The following ROBO2 variants were observed in gnomAD, a reference collection of about 807,000 sequenced individuals.
The protein encoded by ROBO2 is roundabout homolog 2.
ROBO2 carries 53 observed loss-of-function variants against 160.8 expected under a neutral mutation model. The observed-to-expected ratio is 0.33, with a 90% CI of 0.26 to 0.41. The LOEUF (loss-of-function observed/expected upper bound fraction) is 0.41, where lower values mean the gene tolerates loss of function less well. ROBO2 is among the 10% of genes least tolerant of loss of function. ROBO2 has a pLI of 1.00. For synonymous variants in ROBO2, 664 were observed against 611.7 expected (o/e 1.09, Z -1.26); for missense variants, 1,577 against 1,722.4 (o/e 0.92, Z 1.49).
chr3:76,646,058 G>C (rs757593996), intron 2 of ROBO2, among the ~76,000 whole-genome samples: 1 of 152,164 alleles, frequency 6.6e-6, no homozygotes, highest in Admixed American at 6.5e-5. Context: ...TGTTCGAGAC[G>C]TGATTCCTCA....
At chr3:76,618,931 A>G (rs2088822128) in intron 2 of ROBO2, among the ~76,000 whole-genome samples, 1 of 151,900 alleles carries the variant, frequency 6.6e-6, no homozygotes, top group Admixed American at 6.6e-5. Flanking sequence ...TTCAGCACAG[A>G]GATTCCCTTA....
intron 2 of ROBO2, among the ~76,000 whole-genome samples, chr3:76,194,523 T>C (rs1702169324): frequency 6.6e-6 from 1 of 151,744 alleles, no homozygotes; most frequent in Non-Finnish European, 1.5e-5. Flanking sequence ...ACTGAGGACA[T>C]ATATTTTTAA....
At chr3:77,035,236 A>C, upstream of ROBO2, among the ~76,000 whole-genome samples, 1 of 151,868 alleles carries the variant, frequency 6.6e-6, no homozygotes, top group East Asian at 1.9e-4. Context: ...GACCTTCTTG[A>C]ACTGACACTA....
intron 2 of ROBO2, among the ~76,000 whole-genome samples, chr3:75,970,569 C>T (rs1205489433): frequency 6.6e-6 from 1 of 151,494 alleles, no homozygotes; most frequent in Non-Finnish European, 1.5e-5. Context: ...TTCCAAAGGA[C>T]ATTCCTCCTA....
intron 2 of ROBO2, among the ~76,000 whole-genome samples, chr3:76,992,367 AT>A (rs1344401445): frequency 1.9e-4 from 6 of 31,076 alleles, no homozygotes; most frequent in Non-Finnish European, 2.8e-4. Flanking sequence ...ATATATATAT[AT>A]AAATTTAGCT....
At chr3:76,091,929 G>A (rs374762131) in intron 2 of ROBO2, among the ~76,000 whole-genome samples, 1 of 152,160 alleles carries the variant, frequency 6.6e-6, no homozygotes, top group Admixed American at 6.6e-5. Flanking sequence ...TGGGAATAGG[G>A]AGAGATGATT....
intron 2 of ROBO2, among the ~76,000 whole-genome samples, chr3:76,854,963 T>A (rs1321622012): frequency 6.6e-6 from 1 of 152,178 alleles, no homozygotes; most frequent in African/African-American, 2.4e-5. Context: ...TGTAGTTTTA[T>A]TGCTTCTGTG....
At chr3:76,609,928 A>G (rs1453181364) in intron 2 of ROBO2, among the ~76,000 whole-genome samples, 1 of 152,128 alleles carries the variant, frequency 6.6e-6, no homozygotes, top group Non-Finnish European at 1.5e-5. Context: ...TGAATTTTAT[A>G]TAATCCTTTT....
intron 2 of ROBO2, among the ~76,000 whole-genome samples, chr3:76,549,020 C>T (rs1250755869): frequency 2.6e-5 from 4 of 152,020 alleles, no homozygotes; most frequent in Non-Finnish European, 1.5e-5. Flanking sequence ...GATAGAGTAT[C>T]ACACTAATAA....
chr3:76,822,638 A>G (rs1452859487), intron 2 of ROBO2, among the ~76,000 whole-genome samples: 1 of 151,772 alleles, frequency 6.6e-6, no homozygotes, highest in Non-Finnish European at 1.5e-5. Context: ...ATGAATGATC[A>G]TTTTCATTGA....
At position 77,293,192 on chromosome 3, in the gene ROBO2, A is replaced by G. The variant is rs554640363; in HGVS notation, c.389-184222A>G. On this transcript the variant is annotated intron_variant, in intron 2 of 25. Transcript: ENST00000461745. Reference sequence around the variant, plus strand: ...GGCTAGAACAGTAAAGACATAAAGTAAAATTGACGGTTAAACGGGTAAGCT... The same window carrying G: ...GGCTAGAACAGTAAAGACATAAAGTGAAATTGACGGTTAAACGGGTAAGCT... Among the ~76,000 whole-genome samples the G allele has an allele frequency of 8.6e-5, 13 of 150,684 alleles. No individual in the cohort carries two copies. In the South Asian group the frequency reaches 2.1e-3, roughly 25 times the overall value.
At chr3:76,445,897 A>G (rs894374191) in intron 2 of ROBO2, among the ~76,000 whole-genome samples, 3 of 152,172 alleles carry the variant, frequency 2.0e-5, no homozygotes, top group Non-Finnish European at 4.4e-5. Flanking sequence ...TCTCAAAATA[A>G]TAAGAGCTAT....
At chr3:76,330,346 A>G (rs2073387568) in intron 2 of ROBO2, among the ~76,000 whole-genome samples, 1 of 151,716 alleles carries the variant, frequency 6.6e-6, no homozygotes, top group African/African-American at 2.4e-5. Flanking sequence ...TTTTGGAAAT[A>G]AGTCTTTTTT....
At chr3:77,183,401 G>A (rs1351107294) in intron 2 of ROBO2, among the ~76,000 whole-genome samples, 2 of 152,008 alleles carry the variant, frequency 1.3e-5, no homozygotes, top group Non-Finnish European at 2.9e-5. Flanking sequence ...TGGAGACAGG[G>A]TCTTTAGAGA....
chr3:77,608,895 A>T (rs1193561256), intron 21 of ROBO2, among the ~76,000 whole-genome samples: 2 of 151,670 alleles, frequency 1.3e-5, no homozygotes, highest in African/African-American at 4.8e-5. Context: ...ATCTTGGCTT[A>T]AAAAATCACA....
At chr3:77,538,263 C>G (rs2092275173) in intron 6 of ROBO2, among the ~76,000 whole-genome samples, 1 of 146,120 alleles carries the variant, frequency 6.8e-6, no homozygotes, top group Non-Finnish European at 1.5e-5. Flanking sequence ...ACTGCAAGCT[C>G]CGCCTCCCGG....
chr3:77,181,494 T>C (rs1179299648), intron 2 of ROBO2, among the ~76,000 whole-genome samples: 1 of 152,082 alleles, frequency 6.6e-6, no homozygotes, highest in African/African-American at 2.4e-5. Context: ...CGGTATATAA[T>C]TTTAAGCATG....
At chr3:76,765,569 C>G (rs2108435345) in intron 2 of ROBO2, among the ~76,000 whole-genome samples, 1 of 151,740 alleles carries the variant, frequency 6.6e-6, no homozygotes, top group African/African-American at 2.4e-5. Flanking sequence ...CCACCTGGTT[C>G]TCTTGGCACA....
Position 76,771,356 on chromosome 3 carries a change from C to T in ROBO2, c.110-326658C>T, listed in dbSNP as rs1400942115. 2.6e-5 allele frequency among the ~76,000 whole-genome samples: 4 copies of T among 151,190 alleles called. No individual in the cohort carries two copies. The South Asian group carries it at 6.2e-4, about 23-fold the overall frequency. ...TTCTTTTTTGTCCTTTTAAATATGG[C>T]TACTAGCAAACTTAAAATTACATAT... On this transcript the variant is annotated intron_variant, in intron 2 of 26. Transcript: ENST00000487694.
Sources: gnomAD v4.1 joint callset for allele counts (sites outside exome capture counted in the v4.1 genomes callset) on GRCh38, gnomAD v4.1.1 for gene constraint, MANE v1.5 for transcripts, NCBI Gene and HGNC (gene_info 2026-07-23, HGNC 2026-07-21) for gene names.